The following FANCI variants were observed in gnomAD, a reference collection of about 807,000 sequenced individuals.
FANCI encodes Fanconi anemia group I protein.
Under a neutral mutation model 176.1 loss-of-function variants are expected in FANCI, and 156 were observed. The observed-to-expected ratio is 0.89, with a 90% confidence interval of 0.78 to 1.01. The LOEUF (loss-of-function observed/expected upper bound fraction) is 1.01. FANCI is among the 50% of genes least tolerant of loss of function. FANCI has a pLI of 0.00. For missense variants in FANCI, 1,678 were observed against 1,534.1 expected (o/e 1.09, Z -1.57); for synonymous variants, 613 against 541.7 (o/e 1.13, Z -1.83).
chr15:89,250,438 G>A (rs978345266), intron 2 of FANCI, among the ~76,000 whole-genome samples: 18 of 151,580 alleles, frequency 1.2e-4, no homozygotes, highest in Middle Eastern at 3.4e-3. Flanking sequence ...GCAAACTATC[G>A]CAAGGACAAA....
rs767625078 is a variant in FANCI, at chr15:89,295,114, T to C, written c.2636+20T>C. ...AACTCGGTAAGCCACTCCCACCCCT[T>C]AGAAACTTATTCCACTTGGCTGTGG... On this transcript the variant is annotated intron_variant, in intron 24 of 37. Coordinates refer to ENST00000310775, the MANE Select transcript of FANCI (RefSeq NM_001113378.2). 5.0e-5 allele frequency: 77 copies of C among 1,548,018 alleles called. No individual in the cohort carries two copies. The highest frequency in any genetic ancestry group is 6.7e-5 in the Non-Finnish European group (77 of 1,146,074).
In FANCI at chr15:89,294,891, TTCTCTCTCTCTG is replaced by T. The variant is rs754844022; in HGVS notation, c.2457-14_2457-3del. 3 of 1,546,588 alleles carry T rather than the reference TTCTCTCTCTCTG, an allele frequency of 1.9e-6. No homozygotes were observed. The South Asian group carries it at 3.6e-5, about 19-fold the overall frequency. On this transcript the variant is annotated splice_polypyrimidine_tract_variant and intron_variant, in intron 23 of 37. Transcript: ENST00000310775. ...GCAGTAAGGGAATCTTCCTTTTTCT[TTCTCTCTCTCTG>T]TCTCTCTCTAGGGATAGTATCCAAA...
At position 89,278,709 on chromosome 15, in the gene FANCI, A is replaced by C. The variant is rs776246722; in HGVS notation, c.1316A>C (p.Glu439Ala). 21 of 1,613,976 alleles carry C rather than the reference A, an allele frequency of 1.3e-5. No individual in the cohort carries two copies. In the South Asian group the frequency reaches 2.3e-4, roughly 18 times the overall value. ...TFKIHEMIRQ[E>A]ILEQVLNRVV... ...TAGATCCATGAGATGATCAGACAAG[A>C]AATTTTGGAGCAGGTCCTCAACAGG... is the stretch of plus-strand genomic sequence containing the variant. The change falls in exon 14 of 38, where the codon GAA becomes GCA. Residue 439 changes from glutamate (E) to alanine (A), a missense_variant. Physicochemically the swap from Glu to Ala is moderately radical, Grantham distance 107 (BLOSUM62 -1). Transcript: ENST00000310775.
In FANCI at chr15:89,294,640, A is replaced by AAACC. The variant is rs71464461; in HGVS notation, c.2457-273_2457-272insCCAA. Among the ~76,000 whole-genome samples the AAACC allele has an allele frequency of 0.32, 48,277 of 151,652 alleles. 8,725 individuals carry two copies. The highest frequency in any genetic ancestry group is 0.39 in the Non-Finnish European group (26,547 of 67,836). On this transcript the variant is annotated intron_variant, in intron 23 of 37. Coordinates refer to ENST00000310775, the MANE Select transcript of FANCI (RefSeq NM_001113378.2). ...AATTAAAAATACAAAGGGACAAAAA[A>AAACC]AAACCTAAAAGACTAAGACTGACAT...
chr15:89,268,609 A>G, intron 10 of FANCI, 84 bp downstream of exon 10: 5 of 1,549,346 alleles, frequency 3.2e-6, no homozygotes, highest in Non-Finnish European at 4.4e-6. Flanking sequence ...AGTTAATGAC[A>G]GGAAATAAAT....
intron 24 of FANCI, among the ~76,000 whole-genome samples, chr15:89,298,181 A>G (rs2054384251): frequency 6.6e-6 from 1 of 152,150 alleles, no homozygotes; most frequent in South Asian, 2.1e-4. Context: ...CACTTATAAG[A>G]ACACTCCACA....
intron 34 of FANCI, among the ~76,000 whole-genome samples, chr15:89,308,955 A>T (rs1272218911): frequency 6.6e-6 from 1 of 151,876 alleles, no homozygotes; most frequent in African/African-American, 2.4e-5. Flanking sequence ...CAAAAAAAAA[A>T]AAAATAAAGA....
chr15:89,313,367 G>C (rs1208258091), intron 35 of FANCI, among the ~76,000 whole-genome samples: 2 of 152,122 alleles, frequency 1.3e-5, no homozygotes, highest in Non-Finnish European at 1.5e-5. Flanking sequence ...TCTCAACTCA[G>C]GGATTTTATG....
Position 89,263,903 on chromosome 15 carries a change from G to T in FANCI, c.546G>T (p.Lys182Asn). Residue 182 changes from lysine to asparagine, a missense_variant and splice_region_variant, in exon 8 of 38, where the codon AAG (lysine) becomes AAT (asparagine). Transcript: ENST00000310775. ...AGCCTTTAGAATCTTTGATCCACAG[G>T]GATGTCCCTCTGACTGCAGAAGAGG... ...QYVIQLTSMFKDVPLTAEEVE... is the reference protein window; with the variant it reads ...QYVIQLTSMFNDVPLTAEEVE... 1 of 1,614,070 alleles carries T rather than the reference G, an allele frequency of 6.2e-7. No individual in the cohort carries two copies. The highest frequency in any genetic ancestry group is 1.1e-5 in the South Asian group (1 of 91,076).
chr15:89,283,467 A>G (rs2053695735), intron 17 of FANCI, among the ~76,000 whole-genome samples: 1 of 152,230 alleles, frequency 6.6e-6, no homozygotes, highest in South Asian at 2.1e-4. Context: ...GCTATCCAGT[A>G]TGGTAGCCAC....
intron 19 of FANCI, among the ~76,000 whole-genome samples, 162 bp from the exon 20 acceptor site, chr15:89,291,451 T>C (rs1367229741): frequency 6.6e-6 from 1 of 152,304 alleles, no homozygotes; most frequent in East Asian, 1.9e-4. Flanking sequence ...GCACAGGATG[T>C]GGGTGAGCCA....
chr15:89,314,363 G>C (rs2152011367), intron 35 of FANCI, among the ~76,000 whole-genome samples: 1 of 152,314 alleles, frequency 6.6e-6, no homozygotes, highest in South Asian at 2.1e-4. Context: ...GCCCTCCTCA[G>C]CCATTTTCTA....
intron 16 of FANCI, chr15:89,282,064 G>C (rs1437208109): frequency 3.9e-6 from 2 of 509,040 alleles, no homozygotes; most frequent in Non-Finnish European, 7.2e-6. Context: ...CCATTTTACA[G>C]ATAAGAAAAG....
intron 12 of FANCI, among the ~76,000 whole-genome samples, chr15:89,276,280 G>A (rs1284758025): frequency 6.6e-6 from 1 of 152,112 alleles, no homozygotes; most frequent in African/African-American, 2.4e-5. Flanking sequence ...TGCCACCCTT[G>A]TGCTAAGCAA....
chr15:89,277,434 G>A (rs2053448957), intron 13 of FANCI, among the ~76,000 whole-genome samples: 1 of 151,830 alleles, frequency 6.6e-6, no homozygotes. Context: ...TGGGCAACGT[G>A]GCGAAACCTC....
chr15:89,291,406 A>T (rs928702984), intron 19 of FANCI, among the ~76,000 whole-genome samples: 4 of 152,234 alleles, frequency 2.6e-5, no homozygotes, highest in Non-Finnish European at 5.9e-5. Flanking sequence ...GGAATAGGAA[A>T]GATGATCCTA....
intron 28 of FANCI, 141 bp downstream of exon 28, chr15:89,304,056 G>A (rs1325755559): frequency 1.0e-5 from 8 of 782,136 alleles, no homozygotes; most frequent in South Asian, 4.4e-5. Context: ...ATACCAAGTC[G>A]AATTGTTGGC....
At chr15:89,277,338 G>T (rs930499506) in intron 13 of FANCI, among the ~76,000 whole-genome samples, 1 of 151,986 alleles carries the variant, frequency 6.6e-6, no homozygotes, top group South Asian at 2.1e-4. Context: ...ATGCTTGGTC[G>T]GGCATGGTGG....
At position 89,258,685 on chromosome 15, in the gene FANCI, C is replaced by G. The variant is rs1052446106; in HGVS notation, c.85-19C>G. On this transcript the variant is annotated intron_variant, in intron 2 of 37. Transcript: ENST00000310775. ...AAAAGACTGTTGCCAGAGACTTGTA[C>G]CTTTTTCTTTCTTTGCAGTTGACTA... is the stretch of plus-strand genomic sequence containing the variant. The G allele has an allele frequency of 1.0e-5, 16 of 1,603,270 alleles. No homozygotes were observed. The highest frequency in any genetic ancestry group is 1.3e-5 in the African/African-American group (1 of 74,664).
Sources: allele counts gnomAD v4.1 joint callset (sites outside exome capture counted in the v4.1 genomes callset), GRCh38; gene constraint gnomAD v4.1.1; transcripts MANE v1.5; gene names NCBI Gene and HGNC (gene_info 2026-07-23, HGNC 2026-07-21).